The following CDH13 variants were observed in gnomAD, a reference collection of about 807,000 sequenced individuals.
CDH13 encodes cadherin-13.
In CDH13, 24 loss-of-function variants were observed where a neutral mutation model predicts 63.8. The observed-to-expected ratio is 0.38, with a 90% CI of 0.27 to 0.53. The LOEUF (loss-of-function observed/expected upper bound fraction) is 0.53. CDH13 is among the 20% of genes least tolerant of loss of function. The pLI, the probability that CDH13 is intolerant of heterozygous loss-of-function variation, is 0.85. For synonymous variants in CDH13, 503 were observed against 355.3 expected, an observed-to-expected ratio of 1.42 and a Z score of -4.67; for missense variants, 1,049 against 903.1, an observed-to-expected ratio of 1.16 and a Z score of -2.07.
intron 6 of CDH13, among the ~76,000 whole-genome samples, chr16:83,352,125 C>A (rs920465947): frequency 6.6e-6 from 1 of 152,148 alleles, no homozygotes; most frequent in African/African-American, 2.4e-5. Context: ...AGCCCTTGAG[C>A]TTGGAGGAGA....
At chr16:83,559,598 A>G (rs1031885439) in intron 7 of CDH13, among the ~76,000 whole-genome samples, 1 of 151,370 alleles carries the variant, frequency 6.6e-6, no homozygotes, top group African/African-American at 2.4e-5. Context: ...GAGAGAAAAG[A>G]AGGAAGGAAG....
intron 10 of CDH13, among the ~76,000 whole-genome samples, chr16:83,742,799 G>A (rs377311094): frequency 2.6e-5 from 4 of 152,214 alleles, no homozygotes; most frequent in African/African-American, 9.7e-5. Flanking sequence ...GTGTCCGTCT[G>A]TCCTCCTCTG....
chr16:83,271,529 CAAA>C (rs369596889), intron 5 of CDH13, among the ~76,000 whole-genome samples: 1 of 108,632 alleles, frequency 9.2e-6, no homozygotes, highest in Non-Finnish European at 2.0e-5. Flanking sequence ...ACAACAACAA[CAAA>C]AAAAAACGCT....
chr16:82,847,138 A>T (rs981227066), intron 1 of CDH13, among the ~76,000 whole-genome samples: 1 of 152,200 alleles, frequency 6.6e-6, no homozygotes, highest in African/African-American at 2.4e-5. Context: ...TTTACATGTT[A>T]AAATACCAAG....
intron 4 of CDH13, among the ~76,000 whole-genome samples, chr16:83,144,956 C>T (rs953488525): frequency 1.2e-4 from 18 of 152,202 alleles, no homozygotes; most frequent in African/African-American, 2.9e-4. Context: ...AAAAGGAACA[C>T]GATTTCACCC....
At chr16:82,865,925 T>G (rs1410667324) in intron 2 of CDH13, among the ~76,000 whole-genome samples, 2 of 152,216 alleles carry the variant, frequency 1.3e-5, no homozygotes, top group Admixed American at 1.3e-4. Context: ...TAAAGCTGAA[T>G]GCTTTTAAGA....
intron 2 of CDH13, among the ~76,000 whole-genome samples, chr16:83,016,795 G>T (rs1282895618): frequency 6.6e-6 from 1 of 151,564 alleles, no homozygotes. Flanking sequence ...GAAGGATGGG[G>T]TGTTTAAAAT....
intron 3 of CDH13, among the ~76,000 whole-genome samples, chr16:83,075,889 T>C (rs896457451): frequency 2.0e-5 from 3 of 152,204 alleles, no homozygotes; most frequent in African/African-American, 7.2e-5. Context: ...ATGGGCAGAA[T>C]TGCTGCAAAA....
intron 2 of CDH13, among the ~76,000 whole-genome samples, chr16:82,995,474 C>T (rs898550192): frequency 3.3e-5 from 5 of 152,238 alleles, no homozygotes; most frequent in African/African-American, 9.6e-5. Flanking sequence ...GGTGAATCAT[C>T]TTGAATTAAG....
chr16:83,741,496 A>ATG (rs1912059539), intron 10 of CDH13, among the ~76,000 whole-genome samples: 1 of 107,026 alleles, frequency 9.3e-6, no homozygotes, highest in Non-Finnish European at 2.1e-5. Context: ...GTGTATATAT[A>ATG]TATATGTGTG....
At chr16:82,745,330 A>C (rs1038883828) in intron 1 of CDH13, among the ~76,000 whole-genome samples, 28 of 152,182 alleles carry the variant, frequency 1.8e-4, no homozygotes, top group African/African-American at 6.5e-4. Flanking sequence ...CTCAGGACTG[A>C]TTTTGACATT....
intron 6 of CDH13, among the ~76,000 whole-genome samples, chr16:83,469,663 G>C (rs2073406011): frequency 6.6e-6 from 1 of 152,138 alleles, no homozygotes; most frequent in Non-Finnish European, 1.5e-5. Flanking sequence ...CCAGTGGAAG[G>C]TCCACATGAG....
intron 7 of CDH13, among the ~76,000 whole-genome samples, chr16:83,589,223 C>T (rs889771687): frequency 7.9e-5 from 12 of 151,548 alleles, no homozygotes; most frequent in African/African-American, 1.2e-4. Flanking sequence ...CCTCGTCTCC[C>T]TGTCTCCCCA....
chr16:82,901,841 G>T (rs560536510), intron 2 of CDH13, among the ~76,000 whole-genome samples: 5 of 152,170 alleles, frequency 3.3e-5, no homozygotes, highest in Non-Finnish European at 7.3e-5. Flanking sequence ...TGAGGGTTTC[G>T]TTAAACTTGT....
intron 1 of CDH13, among the ~76,000 whole-genome samples, chr16:82,827,895 C>A (rs1241011971): frequency 6.6e-6 from 1 of 152,076 alleles, no homozygotes; most frequent in African/African-American, 2.4e-5. Context: ...ATTTGTCACA[C>A]TAATGGAGTT....
chr16:83,208,169 T>G (rs1275973170), intron 4 of CDH13, among the ~76,000 whole-genome samples: 1 of 152,150 alleles, frequency 6.6e-6, no homozygotes, highest in Non-Finnish European at 1.5e-5. Context: ...CTCAGTGGAT[T>G]GCGAGAACTT....
At chr16:83,597,984 T>A (rs1907432375) in intron 7 of CDH13, among the ~76,000 whole-genome samples, 1 of 152,196 alleles carries the variant, frequency 6.6e-6, no homozygotes, top group East Asian at 1.9e-4. Context: ...AGAGACTTGT[T>A]TTTTGATCAC....
At chr16:82,875,599 C>A (rs925741450) in intron 2 of CDH13, among the ~76,000 whole-genome samples, 1 of 152,060 alleles carries the variant, frequency 6.6e-6, no homozygotes, top group Non-Finnish European at 1.5e-5. Flanking sequence ...CAGTAACATA[C>A]TTTTGTTAAA....
chr16:83,210,633 G>A (rs72802222), intron 4 of CDH13, among the ~76,000 whole-genome samples: 2,863 of 152,130 alleles, frequency 0.019, 54 homozygotes, highest in Non-Finnish European at 0.027. Flanking sequence ...AGAGGATAGA[G>A]GTTGGCAGAG....
Sources: gnomAD v4.1 joint callset for allele counts (sites outside exome capture counted in the v4.1 genomes callset) on GRCh38, gnomAD v4.1.1 for gene constraint, MANE v1.5 for transcripts, NCBI Gene and HGNC (gene_info 2026-07-23, HGNC 2026-07-21) for gene names.